The following IMMP2L variants were observed in gnomAD, a reference collection of about 807,000 sequenced individuals.
IMMP2L encodes the protein mitochondrial inner membrane protease subunit 2.
A neutral mutation model predicts 19.3 loss-of-function variants in IMMP2L; 18 were observed. The ratio of observed to expected loss-of-function variants is 0.93; its 90% CI spans 0.64 to 1.38. The LOEUF (loss-of-function observed/expected upper bound fraction) is 1.38. IMMP2L is among the 40% of genes most tolerant of loss of function. The pLI, the probability that IMMP2L is intolerant of heterozygous loss-of-function variation, is 0.00. For synonymous variants in IMMP2L, 76 were observed against 73.0 expected, an observed-to-expected ratio of 1.04 and a Z score of -0.21; for missense variants, 233 against 218.2, an observed-to-expected ratio of 1.07 and a Z score of -0.43.
intron 4 of IMMP2L, among the ~76,000 whole-genome samples, chr7:110,938,848 G>A (rs1816398641): frequency 6.6e-6 from 1 of 152,130 alleles, no homozygotes; most frequent in South Asian, 2.1e-4. Context: ...GAGATAGAAT[G>A]AAGATATTAA....
intron 3 of IMMP2L, among the ~76,000 whole-genome samples, chr7:111,041,528 G>T (rs1563185976): frequency 6.6e-6 from 1 of 150,814 alleles, no homozygotes; most frequent in Middle Eastern, 3.4e-3. Flanking sequence ...AACTCTTTTT[G>T]ATATTCTGTC....
intron 5 of IMMP2L, among the ~76,000 whole-genome samples, chr7:110,867,086 G>C (rs1181138021): frequency 1.3e-5 from 2 of 151,788 alleles, no homozygotes; most frequent in African/African-American, 4.8e-5. Context: ...GTATTAGTCT[G>C]CTTGGGGTAC....
At chr7:111,446,212 A>C (rs1455566348) in intron 3 of IMMP2L, among the ~76,000 whole-genome samples, 1 of 152,170 alleles carries the variant, frequency 6.6e-6, no homozygotes, top group Non-Finnish European at 1.5e-5. Flanking sequence ...GCCACAGCTC[A>C]AGGAGGCCTG....
chr7:111,262,602 G>A (rs1817431885), intron 3 of IMMP2L, among the ~76,000 whole-genome samples: 1 of 152,088 alleles, frequency 6.6e-6, no homozygotes. Flanking sequence ...AATACCCGTA[G>A]CAAGATGTCC....
intron 3 of IMMP2L, among the ~76,000 whole-genome samples, chr7:111,215,290 C>A (rs1811814938): frequency 6.6e-6 from 1 of 152,162 alleles, no homozygotes; most frequent in Admixed American, 6.5e-5. Flanking sequence ...TACCCTTCTG[C>A]CTGAAGAAGT....
chr7:111,114,968 A>G (rs1799699556), intron 3 of IMMP2L, among the ~76,000 whole-genome samples: 1 of 152,076 alleles, frequency 6.6e-6, no homozygotes, highest in African/African-American at 2.4e-5. Context: ...GCATCACCCA[A>G]ATAGAGATCT....
At position 110,963,554 on chromosome 7, in the gene IMMP2L, T is replaced by A. The variant is rs1281055680; in HGVS notation, c.251A>T (p.Asn84Ile). ...TCTCTTAATGATCTTCTGTTCTGGG[T>A]TTTTAGGAGACCTAGAACAAGAAGA... is the stretch of plus-strand genomic sequence containing the variant. ...GDIVSLVSPK[N>I]PEQKIIKRVI... The change falls in exon 4 of 6, where the codon AAC (asparagine) becomes ATC (isoleucine). Residue 84 changes from asparagine to isoleucine, a missense_variant. Asn to Ile is a moderately radical substitution (Grantham distance 149, BLOSUM62 -3). Coordinates refer to ENST00000405709, the MANE Select transcript of IMMP2L (RefSeq NM_032549.4). The A allele has an allele frequency of 6.3e-7, 1 of 1,589,558 alleles. No homozygotes were observed. Among genetic ancestry groups the A allele is most frequent in the Non-Finnish European group, 8.6e-7 (1 of 1,160,084 alleles).
chr7:111,197,129 C>CT (rs958965202), intron 3 of IMMP2L, among the ~76,000 whole-genome samples: 10 of 152,032 alleles, frequency 6.6e-5, no homozygotes, highest in Admixed American at 5.9e-4. Context: ...AGTACCAACT[C>CT]TTACAACGAT....
chr7:111,363,329 T>A (rs1031930563), intron 3 of IMMP2L, among the ~76,000 whole-genome samples: 2 of 152,090 alleles, frequency 1.3e-5, no homozygotes, highest in African/African-American at 2.4e-5. Context: ...CAGAATCTAA[T>A]TTTAACAAAA....
chr7:111,420,683 T>A (rs1835421254), intron 3 of IMMP2L, among the ~76,000 whole-genome samples: 1 of 151,340 alleles, frequency 6.6e-6, no homozygotes, highest in Admixed American at 6.6e-5. Flanking sequence ...TGTGATAATT[T>A]ACTGAGAATG....
chr7:111,100,415 T>C (rs1251689932), intron 3 of IMMP2L, among the ~76,000 whole-genome samples: 2 of 147,964 alleles, frequency 1.4e-5, no homozygotes, highest in Non-Finnish European at 3.0e-5. Context: ...TTAAACTTTA[T>C]ATATAATAAA....
At chr7:111,261,724 T>G (rs1231586806) in intron 3 of IMMP2L, among the ~76,000 whole-genome samples, 2 of 152,122 alleles carry the variant, frequency 1.3e-5, no homozygotes, top group Non-Finnish European at 2.9e-5. Context: ...AGGAGCTAGT[T>G]ATTCAGATGA....
At chr7:111,337,451 AGGATGGATGGATGGATGGATGGATGGAT>A in intron 3 of IMMP2L, among the ~76,000 whole-genome samples, 1 of 148,880 alleles carries the variant, frequency 6.7e-6, no homozygotes, top group South Asian at 2.2e-4. Context: ...TTTGGATGGA[AGGATGGATGGATGGATGGATGGATGGAT>A]GGATGGATGG....
chr7:111,355,910 C>A (rs1786965775), intron 3 of IMMP2L, among the ~76,000 whole-genome samples: 1 of 151,968 alleles, frequency 6.6e-6, no homozygotes, highest in Admixed American at 6.6e-5. Context: ...AAGTCTAATT[C>A]TGTTAGAAAA....
At chr7:111,217,126 T>TCTCTCTCACACACACA (rs1472700586) in intron 3 of IMMP2L, among the ~76,000 whole-genome samples, 30 of 124,068 alleles carry the variant, frequency 2.4e-4, no homozygotes, top group African/African-American at 9.1e-4. Flanking sequence ...TCTCTCTCTC[T>TCTCTCTCACACACACA]CACACACACA....
At chr7:111,415,843 T>C (rs767961074) in intron 3 of IMMP2L, among the ~76,000 whole-genome samples, 2 of 151,720 alleles carry the variant, frequency 1.3e-5, no homozygotes, top group African/African-American at 2.4e-5. Flanking sequence ...TACCAAGTGA[T>C]AATTAAATGT....
At chr7:111,441,497 C>T (rs956564228) in intron 3 of IMMP2L, among the ~76,000 whole-genome samples, 1 of 151,588 alleles carries the variant, frequency 6.6e-6, no homozygotes, top group African/African-American at 2.4e-5. Flanking sequence ...CTGATTAGGT[C>T]GGGCATGTTA....
chr7:110,958,275 A>G (rs1318489129), intron 4 of IMMP2L, among the ~76,000 whole-genome samples: 4 of 152,082 alleles, frequency 2.6e-5, no homozygotes, highest in Non-Finnish European at 5.9e-5. Context: ...GGAACTAAAA[A>G]TAACAACCAC....
At chr7:111,325,806 T>C (rs961478908) in intron 3 of IMMP2L, among the ~76,000 whole-genome samples, 6 of 151,780 alleles carry the variant, frequency 4.0e-5, no homozygotes, top group African/African-American at 1.4e-4. Context: ...CTACATTCTA[T>C]CTTTTGGCAT....
Sources: allele counts gnomAD v4.1 joint callset (sites outside exome capture counted in the v4.1 genomes callset), GRCh38; gene constraint gnomAD v4.1.1; transcripts MANE v1.5; gene names NCBI Gene and HGNC (gene_info 2026-07-23, HGNC 2026-07-21).